The following CPAMD8 variants were observed in gnomAD, a reference collection of about 807,000 sequenced individuals.
CPAMD8 encodes the protein C3 and PZP-like alpha-2-macroglobulin domain-containing protein 8.
A neutral mutation model predicts 224.7 loss-of-function variants in CPAMD8; 146 were observed. The ratio of observed to expected loss-of-function variants is 0.65; its 90% CI spans 0.57 to 0.75. The LOEUF (loss-of-function observed/expected upper bound fraction) is 0.75, where lower values mean the gene tolerates loss of function less well. Ranked by LOEUF, CPAMD8 falls within the 30% of genes least tolerant of loss-of-function variation. The pLI, the probability that CPAMD8 is intolerant of heterozygous loss-of-function variation, is 0.00. For synonymous variants in CPAMD8, 966 were observed against 1,044.6 expected (o/e 0.92, Z 1.45); for missense variants, 2,301 against 2,537.5 (o/e 0.91, Z 2.00).
chr19:16,969,873 C>CAAAA (rs768905816), intron 18 of CPAMD8, among the ~76,000 whole-genome samples: 53 of 69,766 alleles, frequency 7.6e-4, no homozygotes, highest in African/African-American at 1.6e-3. Flanking sequence ...GGCTCCATCT[C>CAAAA]AAAAAAAAAA....
At chr19:16,926,605 C>A (rs1255487089) in intron 25 of CPAMD8, among the ~76,000 whole-genome samples, 1 of 152,218 alleles carries the variant, frequency 6.6e-6, no homozygotes, top group African/African-American at 2.4e-5. Flanking sequence ...CGTGAGCCAC[C>A]ACGCCTGGCC....
intron 26 of CPAMD8, among the ~76,000 whole-genome samples, chr19:16,924,075 G>C (rs1014258002): frequency 6.6e-6 from 1 of 152,134 alleles, no homozygotes; most frequent in East Asian, 1.9e-4. Context: ...GCCAGCAGAC[G>C]CCAGGAGAGA....
intron 2 of CPAMD8, among the ~76,000 whole-genome samples, chr19:17,021,355 G>C (rs1200053125): frequency 1.3e-5 from 2 of 152,138 alleles, no homozygotes; most frequent in Non-Finnish European, 2.9e-5. Flanking sequence ...CTTCTAGAAG[G>C]TTCTAGAAGC....
intron 14 of CPAMD8, among the ~76,000 whole-genome samples, chr19:16,978,533 C>T (rs1332519733): frequency 6.6e-6 from 1 of 152,192 alleles, no homozygotes; most frequent in Non-Finnish European, 1.5e-5. Flanking sequence ...CAGCAGTTCT[C>T]AGCCAAGGCA....
chr19:16,970,610 G>T (rs1303579037), intron 18 of CPAMD8, among the ~76,000 whole-genome samples: 1 of 151,292 alleles, frequency 6.6e-6, no homozygotes, highest in Non-Finnish European at 1.5e-5. Flanking sequence ...AAAAAAAAAG[G>T]CTCCAGAGAG....
chr19:17,002,257 C>G lies in CPAMD8; in HGVS notation c.758+9G>C. On this transcript the variant is annotated intron_variant, in intron 9 of 41. Coordinates refer to ENST00000443236, the MANE Select transcript of CPAMD8 (RefSeq NM_015692.5). ...CCCCCAGTGTGCCCCAGGGGTCCCTCTTTCTCACCTGGCCCGCACAGTGCC... is the reference window on the plus strand; with the variant it reads ...CCCCCAGTGTGCCCCAGGGGTCCCTGTTTCTCACCTGGCCCGCACAGTGCC... The G allele has an allele frequency of 6.3e-7, 1 of 1,578,870 alleles. No homozygotes were observed. Among genetic ancestry groups the G allele is most frequent in the Non-Finnish European group, 8.6e-7 (1 of 1,157,370 alleles).
In CPAMD8 at chr19:16,989,683, TG is replaced by T; in HGVS notation, c.1354del (p.Gln452SerfsTer23). On this transcript the variant is annotated frameshift_variant, in exon 13 of 42. Transcript: ENST00000443236. LOFTEE classifies it high-confidence loss of function. ...LSLGSWYSPSQCYLQLQPPSH... is the reference protein window; with the variant it reads ...LSLGSWYSPSXCYLQLQPPSH... ...GGGTGGCTGCAGCTGCAGGTAGCAC[TG>T]GCTGGGGGAGTACCAGCTGCCGAGG... 1 of 1,613,920 alleles carries T rather than the reference TG, an allele frequency of 6.2e-7. No individual in the cohort carries two copies. Among genetic ancestry groups the T allele is most frequent in the Non-Finnish European group, 8.5e-7 (1 of 1,179,978 alleles).
chr19:16,928,819 TG>T, intron 24 of CPAMD8, 122 bp downstream of exon 24: 1 of 705,430 alleles, frequency 1.4e-6, no homozygotes, highest in Non-Finnish European at 2.3e-6. Context: ...CAACTTGAGG[TG>T]GTGCTCCATG....
At chr19:16,931,237 G>A (rs1179374481) in intron 23 of CPAMD8, among the ~76,000 whole-genome samples, 1 of 152,170 alleles carries the variant, frequency 6.6e-6, no homozygotes, top group East Asian at 1.9e-4. Context: ...GGGAGCCTGA[G>A]ATAGGTCGGC....
chr19:16,928,316 G>T, intron 24 of CPAMD8, 82 bp from the exon 25 acceptor site: 2 of 1,151,418 alleles, frequency 1.7e-6, no homozygotes, highest in Admixed American at 2.0e-5. Context: ...CAGCTTTGTG[G>T]CCAGGGTCAG....
intron 21 of CPAMD8, 96 bp from the exon 22 acceptor site, chr19:16,945,775 G>T: frequency 1.8e-6 from 2 of 1,111,352 alleles, no homozygotes; most frequent in Middle Eastern, 2.0e-4. Context: ...GTGCATGCAT[G>T]CATGTGTGTG....
intron 41 of CPAMD8, 24 bp from the exon 42 acceptor site, chr19:16,893,363 A>G: frequency 1.4e-6 from 2 of 1,460,520 alleles, no homozygotes; most frequent in South Asian, 2.5e-5. Flanking sequence ...TTTATCTTAC[A>G]ACATCCTCTA....
intron 27 of CPAMD8, among the ~76,000 whole-genome samples, chr19:16,919,210 G>A (rs12463127): frequency 3.4e-4 from 50 of 146,666 alleles, no homozygotes; most frequent in Non-Finnish European, 3.6e-4. Context: ...CTCAAAAAAA[G>A]AAAAAAAAAA....
intron 24 of CPAMD8, 124 bp from the exon 25 acceptor site, chr19:16,928,358 G>C: frequency 1.4e-6 from 1 of 689,904 alleles, no homozygotes; most frequent in Non-Finnish European, 2.4e-6. Context: ...TGCAAGGAAG[G>C]GTCTTCGGGG....
Position 16,904,223 on chromosome 19 carries a change from C to G in CPAMD8, c.4251+3G>C, listed in dbSNP as rs759038849. 1.0e-5 allele frequency: 16 copies of G among 1,606,794 alleles called. No homozygotes were observed. The highest frequency in any genetic ancestry group is 1.4e-5 in the Non-Finnish European group (16 of 1,177,572). On this transcript the variant is annotated splice_donor_region_variant and intron_variant, in intron 32 of 41. Coordinates refer to ENST00000443236, the MANE Select transcript of CPAMD8 (RefSeq NM_015692.5). ...CCCCTCCCTCTGGCCCTGCCCGGCT[C>G]GCCTGAGTGGAGGAGAAGCCCCCAA...
intron 12 of CPAMD8, among the ~76,000 whole-genome samples, chr19:16,991,788 G>A (rs373142270): frequency 5.9e-5 from 9 of 151,836 alleles, no homozygotes; most frequent in South Asian, 4.1e-4. Flanking sequence ...CTGGGAGGCC[G>A]AGGTTGCAGT....
chr19:16,993,338 G>T, intron 12 of CPAMD8, 78 bp downstream of exon 12: 3 of 1,263,040 alleles, frequency 2.4e-6, no homozygotes, highest in Admixed American at 2.0e-5. Flanking sequence ...CACTGATCAG[G>T]TGCCTGCACC....
intron 19 of CPAMD8, 174 bp downstream of exon 19, chr19:16,957,679 C>T (rs909196698): frequency 5.5e-5 from 36 of 659,844 alleles, no homozygotes; most frequent in Non-Finnish European, 7.6e-5. Flanking sequence ...AAATGTGCAG[C>T]GGGACTCAAG....
At chr19:16,952,623 G>A (rs564953203) in intron 19 of CPAMD8, among the ~76,000 whole-genome samples, 2 of 152,280 alleles carry the variant, frequency 1.3e-5, no homozygotes, top group African/African-American at 2.4e-5. Context: ...GGTGCAGTGA[G>A]CTGTGATCCC....
Sources: gnomAD v4.1 joint callset for allele counts (sites outside exome capture counted in the v4.1 genomes callset) on GRCh38, gnomAD v4.1.1 for gene constraint, MANE v1.5 for transcripts, NCBI Gene and HGNC (gene_info 2026-07-23, HGNC 2026-07-21) for gene names.